The following ITGA6 variants were observed in gnomAD, a reference collection of about 807,000 sequenced individuals.
ITGA6 encodes integrin alpha-6.
ITGA6 carries 63 observed loss-of-function variants against 133.6 expected under a neutral mutation model. The ratio of observed to expected loss-of-function variants is 0.47; its 90% CI spans 0.38 to 0.58. The LOEUF (loss-of-function observed/expected upper bound fraction) is 0.58. Ranked by LOEUF, ITGA6 falls within the 20% of genes least tolerant of loss-of-function variation. The pLI is 0.00. For missense variants in ITGA6, 1,068 were observed against 1,309.4 expected, an observed-to-expected ratio of 0.82 and a Z score of 2.85; for synonymous variants, 434 against 482.0, an observed-to-expected ratio of 0.90 and a Z score of 1.30.
chr2:172,488,253 C>T lies in ITGA6; in HGVS notation c.2505+25C>T, dbSNP rs575688441. ...GGTAAGTTGGAGCAGTTGGTCTTTT[C>T]ATTATACCAAAAGCTGACATATACT... On this transcript the variant is annotated intron_variant, in intron 19 of 25. Coordinates refer to ENST00000684293, the MANE Select transcript of ITGA6 (RefSeq NM_000210.4). 13 of 1,462,216 alleles carry T rather than the reference C, an allele frequency of 8.9e-6. No individual in the cohort carries two copies. The South Asian group carries it at 1.4e-4, about 15-fold the overall frequency. 90.6% of individuals were successfully genotyped at this position (1,462,216 alleles called of 1,614,324 possible). A position where few individuals can be genotyped will look rare whatever the true frequency, so the allele number is the denominator to read the frequency against.
At chr2:172,475,527 A>T (rs1167800123) in intron 7 of ITGA6, 70 bp from the exon 8 acceptor site, 2 of 898,976 alleles carry the variant, frequency 2.2e-6, no homozygotes, top group Non-Finnish European at 3.8e-6. Flanking sequence ...GTGTCATCTT[A>T]CTTTAAAACA....
chr2:172,503,531 C>CAT (rs1441185815), intron 25 of ITGA6: 1 of 152,114 alleles, frequency 6.6e-6, no homozygotes, highest in Non-Finnish European at 1.5e-5. Context: ...ATCCAGGCAA[C>CAT]ATAAATGACC....
At chr2:172,471,969 G>C (rs1029802343) in intron 5 of ITGA6, among the ~76,000 whole-genome samples, 1 of 150,460 alleles carries the variant, frequency 6.6e-6, no homozygotes, top group Non-Finnish European at 1.5e-5. Flanking sequence ...AGTAAAAAAC[G>C]AAAAAACAGG....
chr2:172,497,965 T>C lies in ITGA6; in HGVS notation c.2989-10T>C. On this transcript the variant is annotated splice_polypyrimidine_tract_variant and intron_variant, in intron 23 of 25. Coordinates refer to ENST00000684293, the MANE Select transcript of ITGA6 (RefSeq NM_000210.4). ...TATGTAGTAATGCTGCTTTCTTTTCTGCCCTGTAGGTTCGAGTGACTGTGT... is the reference window on the plus strand; with the variant it reads ...TATGTAGTAATGCTGCTTTCTTTTCCGCCCTGTAGGTTCGAGTGACTGTGT... 6.2e-7 allele frequency: 1 copy of C among 1,613,852 alleles called. No homozygotes were observed. Among genetic ancestry groups the C allele is most frequent in the Non-Finnish European group, 8.5e-7 (1 of 1,179,768 alleles).
chr2:172,486,961 A>T, intron 13 of ITGA6, 62 bp from the exon 14 acceptor site: 1 of 869,768 alleles, frequency 1.1e-6, no homozygotes, highest in Non-Finnish European at 2.0e-6. Flanking sequence ...CCAGTCACCT[A>T]CATCGATGCC....
intron 1 of ITGA6, among the ~76,000 whole-genome samples, chr2:172,436,335 A>T (rs1232047506): frequency 6.6e-6 from 1 of 152,234 alleles, no homozygotes; most frequent in Non-Finnish European, 1.5e-5. Context: ...CCCATTTCAG[A>T]TACTGTATCA....
intron 1 of ITGA6, among the ~76,000 whole-genome samples, chr2:172,456,443 TG>T (rs1013706520): frequency 1.4e-4 from 22 of 152,240 alleles, no homozygotes; most frequent in African/African-American, 5.3e-4. Flanking sequence ...TATCCGAGCC[TG>T]GGGTGACCAT....
chr2:172,455,127 G>A (rs1484103094), intron 1 of ITGA6, among the ~76,000 whole-genome samples: 2 of 149,162 alleles, frequency 1.3e-5, no homozygotes, highest in East Asian at 3.8e-4. Context: ...ATAAGATGAA[G>A]GCTATTATAA....
In ITGA6 at chr2:172,487,781, T is replaced by C. The variant is rs1355712909; in HGVS notation, c.2298T>C (p.Asp766=). ...CTGAAGTCACCTTTGACACCCCAGA[T>C]CTGGATATTAATCTGAAGTTAGAAA... The part of the protein sequence containing the change: ...STTEVTFDTP[D]LDINLKLETT... The change falls in exon 17 of 26, where the codon GAT becomes GAC. Residue 766 remains aspartate (D), a synonymous_variant. Coordinates refer to ENST00000684293, the MANE Select transcript of ITGA6 (RefSeq NM_000210.4). The C allele has an allele frequency of 6.2e-7, 1 of 1,611,596 alleles. No homozygotes were observed. Among genetic ancestry groups the C allele is most frequent in the East Asian group, 2.2e-5 (1 of 44,856 alleles).
chr2:172,493,077 T>C (rs1340445496), intron 23 of ITGA6, among the ~76,000 whole-genome samples: 1 of 104,558 alleles, frequency 9.6e-6, no homozygotes, highest in Non-Finnish European at 1.7e-5. Flanking sequence ...AGCTAATTTT[T>C]CAGTTTTTTT....
intron 1 of ITGA6, among the ~76,000 whole-genome samples, chr2:172,440,658 C>T (rs1252320819): frequency 6.6e-6 from 1 of 152,130 alleles, no homozygotes; most frequent in Non-Finnish European, 1.5e-5. Context: ...AGTCTCTTAG[C>T]TTATTATGTG....
intron 1 of ITGA6, among the ~76,000 whole-genome samples, chr2:172,430,067 G>C (rs1684046706): frequency 6.6e-6 from 1 of 152,246 alleles, no homozygotes; most frequent in Non-Finnish European, 1.5e-5. Context: ...GACCTGGTGG[G>C]AGAGAGACCT....
At chr2:172,456,458 A>G (rs1401315987) in intron 1 of ITGA6, among the ~76,000 whole-genome samples, 1 of 152,232 alleles carries the variant, frequency 6.6e-6, no homozygotes, top group African/African-American at 2.4e-5. Flanking sequence ...TGACCATATC[A>G]TTCATCTTCC....
At chr2:172,428,051 C>G in intron 1 of ITGA6, 81 bp downstream of exon 1, 1 of 1,466,248 alleles carries the variant, frequency 6.8e-7, no homozygotes, top group Non-Finnish European at 9.1e-7. Flanking sequence ...CTGTTCCCGC[C>G]GGCCCCGGGG....
chr2:172,455,202 C>T (rs77167534), intron 1 of ITGA6, among the ~76,000 whole-genome samples: 8,120 of 152,292 alleles, frequency 0.053, 368 homozygotes, highest in East Asian at 0.25. Flanking sequence ...AACATCCTGC[C>T]TACCCAACTC....
chr2:172,476,537 T>G (rs779779548), intron 9 of ITGA6, 24 bp downstream of exon 9: 28 of 1,308,394 alleles, frequency 2.1e-5, no homozygotes, highest in African/African-American at 2.9e-5. Flanking sequence ...GATTTTAGTG[T>G]TAAGCATGTT....
chr2:172,496,841 AG>A (rs1382171631), intron 23 of ITGA6, among the ~76,000 whole-genome samples: 1 of 152,244 alleles, frequency 6.6e-6, no homozygotes. Context: ...TGGAATTGCC[AG>A]AAGCAGCTTT....
intron 1 of ITGA6, among the ~76,000 whole-genome samples, chr2:172,456,534 C>T (rs180964863): frequency 2.6e-5 from 4 of 152,288 alleles, no homozygotes; most frequent in African/African-American, 9.6e-5. Context: ...CAGGTATGAT[C>T]CAGGACTGTC....
chr2:172,438,523 A>G (rs74483274), intron 1 of ITGA6, among the ~76,000 whole-genome samples: 11,843 of 151,852 alleles, frequency 0.078, 647 homozygotes, highest in East Asian at 0.26. Context: ...GTGGATTTGA[A>G]TCCCAGCTCC....
Sources: gnomAD v4.1 joint callset for allele counts (sites outside exome capture counted in the v4.1 genomes callset) on GRCh38, gnomAD v4.1.1 for gene constraint, MANE v1.5 for transcripts, NCBI Gene and HGNC (gene_info 2026-07-23, HGNC 2026-07-21) for gene names.